EXTL3: variants seen among roughly 807,000 people sequenced by gnomAD.
EXTL3 encodes the protein exostosin like glycosyltransferase 3, also known as exostosin-like 3.
Under a neutral mutation model 69.3 loss-of-function variants are expected in EXTL3, and 27 were observed. The observed-to-expected ratio is 0.39, with a 90% confidence interval of 0.29 to 0.54. The LOEUF (loss-of-function observed/expected upper bound fraction) is 0.54. EXTL3 is among the 20% of genes least tolerant of loss of function. EXTL3 has a pLI of 0.69. For missense variants in EXTL3, 1,003 were observed against 1,231.8 expected (o/e 0.81, Z 2.78); for synonymous variants, 511 against 499.4 (o/e 1.02, Z -0.31).
chr8:28,723,312 A>G (rs1432547366), intron 3 of EXTL3, among the ~76,000 whole-genome samples: 2 of 152,146 alleles, frequency 1.3e-5, no homozygotes, highest in African/African-American at 2.4e-5. Flanking sequence ...TCTCTTTGAC[A>G]ACATTTTACT....
chr8:28,678,704 A>G (rs949139157), intron 1 of EXTL3, among the ~76,000 whole-genome samples: 1 of 152,198 alleles, frequency 6.6e-6, no homozygotes, highest in African/African-American at 2.4e-5. Flanking sequence ...AGCAACACAA[A>G]TGGACTAAGA....
At chr8:28,656,262 TG>T (rs780450418) in intron 1 of EXTL3, among the ~76,000 whole-genome samples, 1 of 151,962 alleles carries the variant, frequency 6.6e-6, no homozygotes, top group Non-Finnish European at 1.5e-5. Context: ...CTCTGCCTCC[TG>T]GGAGGTTCAA....
chr8:28,683,854 A>T (rs573950626), intron 1 of EXTL3, among the ~76,000 whole-genome samples: 169 of 151,942 alleles, frequency 1.1e-3, no homozygotes, highest in African/African-American at 3.8e-3. Context: ...CTGTTGTGCT[A>T]TCAAATACTA....
In EXTL3 at chr8:28,723,720, C is replaced by T. The variant is rs187143151; in HGVS notation, c.2148+5513C>T. Among the ~76,000 whole-genome samples, 124 of 148,100 alleles carry T rather than the reference C, an allele frequency of 8.4e-4. 1 individual carries two copies. The highest frequency in any genetic ancestry group is 3.6e-3 in the Middle Eastern group (1 of 274). ...ACAGTGGTGTGATCTTGGCTCAGTG[C>T]AGTCTCCACCTCCCAGGTTTAAGTG... On this transcript the variant is annotated intron_variant, in intron 3 of 6. Coordinates refer to ENST00000220562, the MANE Select transcript of EXTL3 (RefSeq NM_001440.4).
Position 28,717,722 on chromosome 8 carries a change from C to T in EXTL3, c.1663C>T (p.His555Tyr). 6.2e-7 allele frequency: 1 copy of T among 1,614,258 alleles called. No individual in the cohort carries two copies. The change falls in exon 3 of 7, where the codon CAC (histidine) becomes TAC (tyrosine). Residue 555 changes from histidine to tyrosine, a missense_variant. By Grantham distance (83) the His-to-Tyr change is moderately conservative. Around this residue, in one of 2 missense-constraint regions of EXTL3, gnomAD observed 742 missense variants for 815.4 expected, o/e 0.91. Transcript: ENST00000220562. This position sits in a 1 kb window ranked among gnomAD's most constrained non-coding sequence, Gnocchi z 8.3. ...IREEAAAEIPHRSGKAAGTDP... is the reference protein window; with the variant it reads ...IREEAAAEIPYRSGKAAGTDP... ...GGAAGAGGCGGCAGCTGAGATCCCC[C>T]ACCGTTCAGGCAAGGCGGCTGGAAC... is the stretch of plus-strand genomic sequence containing the variant.
chr8:28,702,573 C>T (rs1800833075), intron 1 of EXTL3, among the ~76,000 whole-genome samples: 1 of 143,836 alleles, frequency 7.0e-6, no homozygotes, highest in South Asian at 2.2e-4. Flanking sequence ...CCACCCGCAC[C>T]ACCCCACCCC....
intron 4 of EXTL3, among the ~76,000 whole-genome samples, chr8:28,732,039 G>A (rs1801548825): frequency 6.6e-6 from 1 of 152,170 alleles, no homozygotes; most frequent in Non-Finnish European, 1.5e-5. Flanking sequence ...TGAGATAGAA[G>A]AGAACAGAAC....
chr8:28,686,497 C>T (rs1035216280), intron 1 of EXTL3, among the ~76,000 whole-genome samples: 6 of 151,866 alleles, frequency 4.0e-5, no homozygotes, highest in Non-Finnish European at 7.4e-5. Flanking sequence ...AGATTAAGCC[C>T]GTATGTACAT....
At chr8:28,679,407 C>T (rs1182807468) in intron 1 of EXTL3, among the ~76,000 whole-genome samples, 1 of 152,102 alleles carries the variant, frequency 6.6e-6, no homozygotes, top group African/African-American at 2.4e-5. Flanking sequence ...GATCGTGCCA[C>T]TACACTCCAG....
chr8:28,644,389 T>A (rs1206162307), intron 1 of EXTL3, among the ~76,000 whole-genome samples: 1 of 152,150 alleles, frequency 6.6e-6, no homozygotes, highest in Non-Finnish European at 1.5e-5. Context: ...GAGTACAGTC[T>A]CAACTGTTAA....
At chr8:28,679,811 C>A (rs1807452973) in intron 1 of EXTL3, among the ~76,000 whole-genome samples, 1 of 151,828 alleles carries the variant, frequency 6.6e-6, no homozygotes, top group South Asian at 2.1e-4. Flanking sequence ...TAATGCCATG[C>A]CAGGAAAATA....
At chr8:28,622,662 G>C (rs1337458090), upstream of EXTL3, 10 of 150,800 alleles carry the variant, frequency 6.6e-5, no homozygotes, top group Admixed American at 5.9e-4. Flanking sequence ...GGGTGGGACC[G>C]GGAGCCGGCC....
chr8:28,677,223 T>G (rs956488080), intron 1 of EXTL3, among the ~76,000 whole-genome samples: 1 of 152,118 alleles, frequency 6.6e-6, no homozygotes, highest in African/African-American at 2.4e-5. Context: ...ATCAAAGAGC[T>G]ATGGTGCCTG....
intron 1 of EXTL3, among the ~76,000 whole-genome samples, chr8:28,681,913 C>T (rs1254353609): frequency 2.0e-5 from 3 of 152,054 alleles, no homozygotes; most frequent in Non-Finnish European, 2.9e-5. Flanking sequence ...ATTAGCCAGG[C>T]GTGGTGGCAC....
At chr8:28,684,460 G>A (rs1807544534) in intron 1 of EXTL3, among the ~76,000 whole-genome samples, 1 of 152,016 alleles carries the variant, frequency 6.6e-6, no homozygotes, top group East Asian at 1.9e-4. Context: ...TTTTCAGTGG[G>A]CACGATGCAT....
In EXTL3 at chr8:28,627,220, T is replaced by A. The variant is rs1806506153; in HGVS notation, c.-53+4410T>A. ...AAAAATTAAAAAAAATAAAAAAAAT[T>A]CCCCTTGAGGCTGGGCGCAGTGGCT... is the stretch of plus-strand genomic sequence containing the variant. On this transcript the variant is annotated intron_variant, in intron 1 of 6. Coordinates refer to the EXTL3 transcript ENST00000523149. 2.0e-5 allele frequency among the ~76,000 whole-genome samples: 3 copies of A among 146,642 alleles called. No individual in the cohort carries two copies. The South Asian group carries it at 6.5e-4, about 32-fold the overall frequency.
rs76320150 is a variant in EXTL3 at position 28,635,085 on chromosome 8, G to A, written c.-53+12275G>A. On this transcript the variant is annotated intron_variant, in intron 1 of 6. Transcript: ENST00000523149. Reference sequence around the variant, plus strand: ...ATGAGGATGAGTCCTCTGAAGGACCGGGAGGAATGAACTTTCTAGCTCAAG... The same window carrying A: ...ATGAGGATGAGTCCTCTGAAGGACCAGGAGGAATGAACTTTCTAGCTCAAG... Among the ~76,000 whole-genome samples, 469 of 152,120 alleles carry A rather than the reference G, an allele frequency of 3.1e-3. 6 individuals carry two copies. Among genetic ancestry groups the A allele is most frequent in the African/African-American group, 0.011 (454 of 41,490 alleles).
chr8:28,613,578 A>G (rs575540364), intron 2 of EXTL3, among the ~76,000 whole-genome samples: 1 of 152,198 alleles, frequency 6.6e-6, no homozygotes, highest in Admixed American at 6.5e-5. Context: ...TTCCTTAACC[A>G]TTTCTTAGAA....
chr8:28,708,495 T>C lies in EXTL3; in HGVS notation c.-569-4962T>C, dbSNP rs1025426389. Reference sequence around the variant, plus strand: ...GTGTTGGGAAATGTGTTTTAGTGCTTATTAACATACTTCCTGACTTCACGA... The same window carrying C: ...GTGTTGGGAAATGTGTTTTAGTGCTCATTAACATACTTCCTGACTTCACGA... On this transcript the variant is annotated intron_variant, in intron 1 of 6. Coordinates refer to ENST00000220562, the MANE Select transcript of EXTL3 (RefSeq NM_001440.4). Among the ~76,000 whole-genome samples the C allele has an allele frequency of 3.3e-5, 5 of 152,026 alleles. No homozygotes were observed. The East Asian group carries it at 9.7e-4, about 29-fold the overall frequency.
Sources: gnomAD v4.1 joint callset for allele counts (sites outside exome capture counted in the v4.1 genomes callset) on GRCh38, gnomAD v4.1.1 for gene constraint, gnomAD v4.1.1 regional missense constraint, Gnocchi (gnomAD v3.1) non-coding constraint, MANE v1.5 for transcripts, NCBI Gene and HGNC (gene_info 2026-07-23, HGNC 2026-07-21) for gene names.